The following UNC13C variants were observed in gnomAD, a reference collection of about 807,000 sequenced individuals.
The protein encoded by UNC13C is protein unc-13 homolog C.
UNC13C carries 174 observed loss-of-function variants against 245.4 expected under a neutral mutation model. That is an observed-to-expected ratio of 0.71 (90% CI 0.63 to 0.80). The LOEUF (loss-of-function observed/expected upper bound fraction) is 0.80, where lower values mean the gene tolerates loss of function less well. Ranked by LOEUF, UNC13C falls within the 30% of genes least tolerant of loss-of-function variation. UNC13C has a pLI of 0.00. For missense variants in UNC13C, 2,829 were observed against 2,602.9 expected (o/e 1.09, Z -1.89); for synonymous variants, 992 against 895.1 (o/e 1.11, Z -1.93).
chr15:54,364,186 T>C (rs2039303232), intron 17 of UNC13C, among the ~76,000 whole-genome samples: 1 of 152,140 alleles, frequency 6.6e-6, no homozygotes, highest in South Asian at 2.1e-4. Flanking sequence ...AATAAATCCA[T>C]GTGTCTTGAT....
At chr15:54,483,710 C>T (rs1893252974) in intron 19 of UNC13C, among the ~76,000 whole-genome samples, 1 of 152,126 alleles carries the variant, frequency 6.6e-6, no homozygotes, top group Non-Finnish European at 1.5e-5. Context: ...CTGCCTCTGC[C>T]TCCCAGGGTG....
the UNC13C span, among the ~76,000 whole-genome samples, chr15:53,883,221 G>C: frequency 2.0e-5 from 3 of 152,108 alleles, no homozygotes; most frequent in Non-Finnish European, 2.9e-5. Flanking sequence ...TTTAATATCA[G>C]CCTCAGAAAA....
At chr15:54,128,789 G>A (rs1030734318) in intron 2 of UNC13C, among the ~76,000 whole-genome samples, 1 of 152,174 alleles carries the variant, frequency 6.6e-6, no homozygotes, top group Non-Finnish European at 1.5e-5. Context: ...TTCCCACTGA[G>A]TCTCTGCTTA....
Position 54,552,690 on chromosome 15 carries a change from TTA to T in UNC13C, c.5878-2736_5878-2735del, listed in dbSNP as rs1329978413. On this transcript the variant is annotated intron_variant, in intron 28 of 32. Coordinates refer to ENST00000260323, the MANE Select transcript of UNC13C (RefSeq NM_001080534.3). ...TGTACTATATAATATAATTATATAA[TTA>T]TATATTATATATAATTATATTATAT... is the stretch of plus-strand genomic sequence containing the variant. Among the ~76,000 whole-genome samples the T allele has an allele frequency of 5.9e-5, 5 of 84,760 alleles. 1 individual carries two copies. The highest frequency in any genetic ancestry group is 1.0e-4 in the African/African-American group (2 of 20,056). The allele number at this position is 84,760 out of a possible 152,430, so 55.6% of individuals were successfully genotyped here.
intron 2 of UNC13C, among the ~76,000 whole-genome samples, chr15:54,061,094 G>A (rs561042156): frequency 4.4e-4 from 66 of 148,956 alleles, no homozygotes; most frequent in Non-Finnish European, 8.1e-4. Flanking sequence ...TTGTGCACAT[G>A]TACCCTAAAA....
intron 10 of UNC13C, among the ~76,000 whole-genome samples, chr15:54,276,929 G>A (rs934546225): frequency 1.3e-5 from 2 of 152,046 alleles, no homozygotes; most frequent in Admixed American, 6.6e-5. Context: ...ATAAAAATAT[G>A]TTTAATAATT....
At chr15:53,985,300 G>T (rs1894088333) in intron 1 of UNC13C, among the ~76,000 whole-genome samples, 1 of 150,556 alleles carries the variant, frequency 6.6e-6, no homozygotes. Context: ...TGGCTGCATA[G>T]TATTCCATGG....
At chr15:54,358,615 G>C (rs1240519842) in intron 17 of UNC13C, among the ~76,000 whole-genome samples, 1 of 138,596 alleles carries the variant, frequency 7.2e-6, no homozygotes, top group Non-Finnish European at 1.6e-5. Context: ...GAGATAGTCT[G>C]TAATTGGTGT....
At position 54,265,375 on chromosome 15, in the gene UNC13C, C is replaced by G. The variant is rs1400075196; in HGVS notation, c.3697C>G (p.Gln1233Glu). 2 of 1,581,610 alleles carry G rather than the reference C, an allele frequency of 1.3e-6. No homozygotes were observed. Among genetic ancestry groups the G allele is most frequent in the Non-Finnish European group, 1.7e-6 (2 of 1,161,806 alleles). The change falls in exon 10 of 33, where the codon CAG becomes GAG. Residue 1233 changes from glutamine (Q) to glutamate (E), a missense_variant. Coordinates refer to ENST00000260323, the MANE Select transcript of UNC13C (RefSeq NM_001080534.3). The stretch of plus-strand genomic sequence containing the variant: ...TTCAGTGGTTTCTGCACAGGGTCTA[C>G]AGGCAAAAGATAAAACAGGGTCTAG... ...TITVVSAQGL[Q>E]AKDKTGSSDP...
intron 2 of UNC13C, among the ~76,000 whole-genome samples, chr15:54,104,310 A>G (rs948212681): frequency 2.0e-5 from 3 of 151,886 alleles, no homozygotes; most frequent in Non-Finnish European, 4.4e-5. Context: ...CAATAAGAAA[A>G]CCACTTTTTC....
chr15:54,529,728 G>A (rs546305916), intron 25 of UNC13C, among the ~76,000 whole-genome samples: 1 of 152,272 alleles, frequency 6.6e-6, no homozygotes, highest in East Asian at 1.9e-4. Context: ...GTGTGTGGAG[G>A]AGGAGAGGAG....
intron 1 of UNC13C, among the ~76,000 whole-genome samples, chr15:54,004,792 G>A (rs879869842): frequency 7.2e-5 from 11 of 152,044 alleles, no homozygotes; most frequent in South Asian, 2.1e-4. Flanking sequence ...CCCATTTTCC[G>A]TTTGTATATA....
chr15:54,593,774 C>G (rs181765577), intron 30 of UNC13C, among the ~76,000 whole-genome samples: 3 of 152,200 alleles, frequency 2.0e-5, no homozygotes, highest in Non-Finnish European at 4.4e-5. Context: ...CAGGCTTTGC[C>G]TTTCTCTGGT....
At chr15:53,896,551 A>C in the UNC13C span, among the ~76,000 whole-genome samples, 1 of 151,986 alleles carries the variant, frequency 6.6e-6, no homozygotes, top group African/African-American at 2.4e-5. Context: ...TGGGATGGTG[A>C]AGTGGATATA....
At chr15:53,869,120 A>C in the UNC13C span, among the ~76,000 whole-genome samples, 2 of 152,302 alleles carry the variant, frequency 1.3e-5, no homozygotes, top group East Asian at 3.9e-4. Flanking sequence ...AAAGTCATAA[A>C]TACAGAAAGC....
At chr15:53,938,951 C>G in the UNC13C span, among the ~76,000 whole-genome samples, 2 of 151,800 alleles carry the variant, frequency 1.3e-5, no homozygotes, top group East Asian at 1.9e-4. Flanking sequence ...ACCAGAGAAC[C>G]AAGAGCAAAC....
chr15:53,883,089 G>C, the UNC13C span, among the ~76,000 whole-genome samples: 1 of 152,050 alleles, frequency 6.6e-6, no homozygotes, highest in Admixed American at 6.6e-5. Context: ...GAAAATCTGG[G>C]AAGAGCACTA....
rs555940310 is a variant in UNC13C, at chr15:54,250,098, T to C, written c.3229-127T>C. The C allele has an allele frequency of 7.5e-5, 62 of 827,362 alleles. 1 individual carries two copies. In the South Asian group the frequency reaches 9.8e-4, roughly 13 times the overall value. The allele number at this position is 827,362 out of a possible 1,614,324, so 51.3% of individuals were successfully genotyped here. On this transcript the variant is annotated intron_variant, in intron 7 of 32. Coordinates refer to ENST00000260323, the MANE Select transcript of UNC13C (RefSeq NM_001080534.3). ...ATGCTTACTGTCATCATGACTTGAA[T>C]CAGTGATCCAGGGGCTCTCTCAAAA...
At chr15:54,236,291 A>G (rs1390062939) in intron 5 of UNC13C, 139 bp from the exon 6 acceptor site, 2 of 666,266 alleles carry the variant, frequency 3.0e-6, no homozygotes, top group East Asian at 2.6e-5. Flanking sequence ...ATGTCAGTAC[A>G]TTTAGTTCAA....
Sources: allele counts gnomAD v4.1 joint callset (sites outside exome capture counted in the v4.1 genomes callset), GRCh38; gene constraint gnomAD v4.1.1; transcripts MANE v1.5; gene names NCBI Gene and HGNC (gene_info 2026-07-23, HGNC 2026-07-21).